Variants in TTC28 observed in about 807,000 individuals in gnomAD.
TTC28 encodes tetratricopeptide repeat domain 28.
TTC28 carries 61 observed loss-of-function variants against 198.0 expected under a neutral mutation model. The ratio of observed to expected loss-of-function variants is 0.31; its 90% CI spans 0.25 to 0.38. The LOEUF is 0.38. Among genes scored for constraint, TTC28 ranks in the 10% least tolerant of loss-of-function variants. The pLI is 1.00. For synonymous variants in TTC28, 1,171 were observed against 1,297.8 expected (o/e 0.90, Z 2.10); for missense variants, 2,678 against 3,164.0 (o/e 0.85, Z 3.69).
chr22:28,621,559 T>A (rs76317571), intron 2 of TTC28, among the ~76,000 whole-genome samples: 7,738 of 148,526 alleles, frequency 0.052, 304 homozygotes, highest in East Asian at 0.23. Flanking sequence ...TAAAAAAAAA[T>A]AATAATAATA....
rs145057646 is a variant in TTC28 at position 28,033,919 on chromosome 22, A to T, written c.3933-3553T>A. Among the ~76,000 whole-genome samples the T allele has an allele frequency of 1.5e-3, 233 of 152,348 alleles. 4 individuals carry two copies. The highest frequency in any genetic ancestry group is 9.5e-3 in the South Asian group (46 of 4,826). On this transcript the variant is annotated intron_variant, in intron 12 of 22. Transcript: ENST00000397906. Reference sequence around the variant, plus strand: ...AAGAAGCTGCTAGATATGCACACTAATCTCTGCAACATGAAAAATAAATTA... The same window carrying T: ...AAGAAGCTGCTAGATATGCACACTATTCTCTGCAACATGAAAAATAAATTA...
intron 5 of TTC28, among the ~76,000 whole-genome samples, chr22:28,257,056 A>G (rs562411463): frequency 1.3e-5 from 2 of 152,282 alleles, no homozygotes; most frequent in East Asian, 3.9e-4. Flanking sequence ...TAATATAAGA[A>G]ATAAAATACA....
At chr22:28,559,850 T>G (rs1338098427) in intron 2 of TTC28, among the ~76,000 whole-genome samples, 1 of 152,136 alleles carries the variant, frequency 6.6e-6, no homozygotes, top group East Asian at 1.9e-4. Flanking sequence ...ATACAAACAC[T>G]CTCTAAGTAT....
rs537476077 is a variant in TTC28, at chr22:28,282,257, C to T, written c.933+13941G>A. On this transcript the variant is annotated intron_variant, in intron 5 of 22. Coordinates refer to ENST00000397906, the MANE Select transcript of TTC28 (RefSeq NM_001145418.2). ...GACTTTGCCAGAAGCAGAATCTTCTCTCTTTCCTTTGCATAGCTACAGGGG... is the reference window on the plus strand; with the variant it reads ...GACTTTGCCAGAAGCAGAATCTTCTTTCTTTCCTTTGCATAGCTACAGGGG... Among the ~76,000 whole-genome samples, 112 of 152,292 alleles carry T rather than the reference C, an allele frequency of 7.4e-4. 3 individuals are homozygous for T. In the South Asian group the frequency reaches 0.023, roughly 31 times the overall value.
At chr22:28,212,336 G>C (rs547457302) in intron 5 of TTC28, among the ~76,000 whole-genome samples, 1 of 151,346 alleles carries the variant, frequency 6.6e-6, no homozygotes, top group African/African-American at 2.4e-5. Flanking sequence ...AGGAATCCAG[G>C]AGCTGGTTTT....
chr22:28,015,420 A>T (rs954214521), intron 13 of TTC28, among the ~76,000 whole-genome samples: 42 of 74,018 alleles, frequency 5.7e-4, no homozygotes, highest in Non-Finnish European at 1.0e-3. Flanking sequence ...AGATAGCTTT[A>T]AAAAAAAAAA....
intron 5 of TTC28, among the ~76,000 whole-genome samples, chr22:28,199,567 A>T (rs2147149513): frequency 6.7e-6 from 1 of 148,558 alleles, no homozygotes; most frequent in African/African-American, 2.5e-5. Flanking sequence ...ACACTAAATT[A>T]TTTGTGTGCA....
intron 2 of TTC28, among the ~76,000 whole-genome samples, chr22:28,536,986 G>A (rs912793422): frequency 1.3e-5 from 2 of 151,382 alleles, no homozygotes; most frequent in South Asian, 2.1e-4. Context: ...TTATAAGTAC[G>A]GTTATGATGT....
At chr22:28,589,032 C>G (rs985804210) in intron 2 of TTC28, among the ~76,000 whole-genome samples, 5 of 152,138 alleles carry the variant, frequency 3.3e-5, no homozygotes, top group African/African-American at 9.7e-5. Context: ...TATGCTTAAG[C>G]CTTCTTAGCC....
intron 2 of TTC28, among the ~76,000 whole-genome samples, chr22:28,452,806 G>A (rs973232488): frequency 6.6e-6 from 1 of 152,172 alleles, no homozygotes; most frequent in Non-Finnish European, 1.5e-5. Context: ...TCTCATGACA[G>A]CAACCAAAAA....
intron 14 of TTC28, among the ~76,000 whole-genome samples, chr22:28,003,565 T>TCATCCCACAGG (rs1244604781): frequency 6.6e-6 from 1 of 152,112 alleles, no homozygotes; most frequent in Non-Finnish European, 1.5e-5. Context: ...CTGTCAGATA[T>TCATCCCACAGG]CATCCCACAG....
At chr22:28,280,701 T>C (rs997801701) in intron 5 of TTC28, among the ~76,000 whole-genome samples, 1 of 152,192 alleles carries the variant, frequency 6.6e-6, no homozygotes, top group Non-Finnish European at 1.5e-5. Flanking sequence ...TTTTTTTCCC[T>C]TGTAGGTCTG....
chr22:28,271,257 G>C (rs1932050781), intron 5 of TTC28, among the ~76,000 whole-genome samples: 1 of 151,952 alleles, frequency 6.6e-6, no homozygotes, highest in Non-Finnish European at 1.5e-5. Context: ...CCTTGGGTTA[G>C]ACTGTATACT....
chr22:28,076,388 G>A (rs781476926), intron 12 of TTC28, among the ~76,000 whole-genome samples: 1 of 152,154 alleles, frequency 6.6e-6, no homozygotes, highest in Non-Finnish European at 1.5e-5. Context: ...ACATCAATAT[G>A]TTAAAGATAT....
intron 2 of TTC28, among the ~76,000 whole-genome samples, chr22:28,579,824 G>C (rs1463458423): frequency 2.6e-5 from 4 of 151,928 alleles, no homozygotes; most frequent in African/African-American, 9.7e-5. Flanking sequence ...ACAAAAATTA[G>C]CCAGGCATGG....
chr22:28,290,513 A>G (rs2044767639), intron 5 of TTC28, among the ~76,000 whole-genome samples: 1 of 152,224 alleles, frequency 6.6e-6, no homozygotes, highest in Non-Finnish European at 1.5e-5. Context: ...CAAGAGAATC[A>G]ACAAAAAAAT....
intron 2 of TTC28, among the ~76,000 whole-genome samples, chr22:28,505,439 AAGG>A (rs2048598319): frequency 6.6e-6 from 1 of 152,064 alleles, no homozygotes; most frequent in Non-Finnish European, 1.5e-5. Flanking sequence ...AACTTGATCC[AAGG>A]AGGACCACAG....
intron 18 of TTC28, 55 bp downstream of exon 18, chr22:27,993,232 T>C: frequency 7.0e-7 from 1 of 1,426,492 alleles, no homozygotes; most frequent in Non-Finnish European, 9.3e-7. Flanking sequence ...GGCCACCAAC[T>C]GTTCCACCTG....
intron 2 of TTC28, among the ~76,000 whole-genome samples, chr22:28,595,024 T>C (rs2050514582): frequency 6.6e-6 from 1 of 152,238 alleles, no homozygotes; most frequent in Non-Finnish European, 1.5e-5. Context: ...AAGTCCATGT[T>C]GTAGGCCTTT....
Sources: allele counts gnomAD v4.1 joint callset (sites outside exome capture counted in the v4.1 genomes callset), GRCh38; gene constraint gnomAD v4.1.1; transcripts MANE v1.5; gene names NCBI Gene and HGNC (gene_info 2026-07-23, HGNC 2026-07-21).